The following SPOCK3 variants were observed in gnomAD, a reference collection of about 807,000 sequenced individuals.
SPOCK3 encodes the protein SPARC (osteonectin), cwcv and kazal like domains proteoglycan 3.
Under a neutral mutation model 56.6 loss-of-function variants are expected in SPOCK3, and 30 were observed. That is an observed-to-expected ratio of 0.53 (90% CI 0.40 to 0.72). The LOEUF (loss-of-function observed/expected upper bound fraction) is 0.72, where lower values mean the gene tolerates loss of function less well. Ranked by LOEUF, SPOCK3 falls within the 30% of genes least tolerant of loss-of-function variation. The probability of loss-of-function intolerance (pLI) is 0.00; values close to 1 mark genes in which losing one functional copy is unlikely to be tolerated. For missense variants in SPOCK3, 527 were observed against 530.0 expected (o/e 0.99, Z 0.06); for synonymous variants, 196 against 183.3 (o/e 1.07, Z -0.56).
intron 6 of SPOCK3, among the ~76,000 whole-genome samples, chr4:166,826,195 T>C (rs964330476): frequency 1.3e-5 from 2 of 152,110 alleles, no homozygotes; most frequent in African/African-American, 4.8e-5. Flanking sequence ...CAAAAAAAGA[T>C]ATATTTTTCT....
intron 2 of SPOCK3, among the ~76,000 whole-genome samples, chr4:167,185,405 C>T (rs1731856548): frequency 1.3e-5 from 2 of 152,186 alleles, no homozygotes; most frequent in Admixed American, 1.3e-4. Context: ...GTGCCTCATC[C>T]TGTGCCTACA....
chr4:167,076,489 A>C (rs982191252), intron 2 of SPOCK3, among the ~76,000 whole-genome samples: 1 of 151,822 alleles, frequency 6.6e-6, no homozygotes. Flanking sequence ...ATTATATTAA[A>C]AAATAAATCA....
intron 2 of SPOCK3, among the ~76,000 whole-genome samples, chr4:167,118,142 G>T (rs1451944205): frequency 2.0e-5 from 3 of 152,052 alleles, no homozygotes; most frequent in African/African-American, 7.2e-5. Flanking sequence ...TTGCCAGACT[G>T]TTTGAATTTT....
intron 6 of SPOCK3, among the ~76,000 whole-genome samples, chr4:166,852,452 C>T (rs1730225228): frequency 6.6e-6 from 1 of 152,142 alleles, no homozygotes; most frequent in African/African-American, 2.4e-5. Flanking sequence ...CACCATTAGG[C>T]TTTCTTCACT....
chr4:166,949,162 C>A (rs1399929321), intron 4 of SPOCK3, among the ~76,000 whole-genome samples: 1 of 152,208 alleles, frequency 6.6e-6, no homozygotes, highest in Non-Finnish European at 1.5e-5. Flanking sequence ...GCATTCTACA[C>A]GTAGTTCTCG....
At chr4:166,990,477 A>ATTT in intron 4 of SPOCK3, among the ~76,000 whole-genome samples, 1 of 152,144 alleles carries the variant, frequency 6.6e-6, no homozygotes, top group Non-Finnish European at 1.5e-5. Flanking sequence ...TAGGAATAGA[A>ATTT]AGATTATTCA....
chr4:167,182,203 A>G (rs1731528719), intron 2 of SPOCK3, among the ~76,000 whole-genome samples: 1 of 152,098 alleles, frequency 6.6e-6, no homozygotes, highest in African/African-American at 2.4e-5. Flanking sequence ...TCCCTTGGTT[A>G]TCAAGTTTTA....
At chr4:167,028,348 G>A (rs928046154) in intron 3 of SPOCK3, among the ~76,000 whole-genome samples, 1 of 151,716 alleles carries the variant, frequency 6.6e-6, no homozygotes, top group Non-Finnish European at 1.5e-5. Flanking sequence ...CTGCACTCCA[G>A]CCTGTGTGAC....
intron 5 of SPOCK3, among the ~76,000 whole-genome samples, chr4:166,907,942 G>T (rs1315681881): frequency 2.6e-5 from 4 of 151,902 alleles, no homozygotes; most frequent in Non-Finnish European, 5.9e-5. Context: ...TAGAAAGAGT[G>T]CACATCCATT....
At chr4:167,100,457 T>TCA (rs963770403) in intron 2 of SPOCK3, among the ~76,000 whole-genome samples, 4 of 149,414 alleles carry the variant, frequency 2.7e-5, no homozygotes, top group East Asian at 2.0e-4. Flanking sequence ...TCTCTCTCTC[T>TCA]CACACACACA....
At chr4:166,935,119 G>C (rs1024591624) in intron 4 of SPOCK3, among the ~76,000 whole-genome samples, 1 of 152,116 alleles carries the variant, frequency 6.6e-6, no homozygotes, top group Non-Finnish European at 1.5e-5. Flanking sequence ...TCAGACTTAC[G>C]GGGCTGTGGA....
intron 6 of SPOCK3, among the ~76,000 whole-genome samples, chr4:166,811,050 T>C (rs1298404816): frequency 6.6e-6 from 1 of 151,746 alleles, no homozygotes; most frequent in Non-Finnish European, 1.5e-5. Flanking sequence ...TTTAAAATTT[T>C]ATTATATTTT....
intron 2 of SPOCK3, among the ~76,000 whole-genome samples, chr4:167,108,452 C>T (rs1381715713): frequency 2.6e-5 from 4 of 151,876 alleles, no homozygotes; most frequent in Non-Finnish European, 5.9e-5. Flanking sequence ...GGTAAATATA[C>T]ACAATGGCAT....
At chr4:166,850,583 A>T (rs1480414805) in intron 6 of SPOCK3, among the ~76,000 whole-genome samples, 1 of 152,200 alleles carries the variant, frequency 6.6e-6, no homozygotes, top group Non-Finnish European at 1.5e-5. Flanking sequence ...GGAGTGCCAG[A>T]CAGCGGGGGC....
chr4:166,983,637 C>G (rs950216605), intron 4 of SPOCK3, among the ~76,000 whole-genome samples: 3 of 151,954 alleles, frequency 2.0e-5, no homozygotes. Flanking sequence ...TTTGAATGCT[C>G]TCAACACAAA....
chr4:167,004,479 T>C (rs1191409690), intron 3 of SPOCK3, among the ~76,000 whole-genome samples: 2 of 152,154 alleles, frequency 1.3e-5, no homozygotes, highest in African/African-American at 4.8e-5. Flanking sequence ...CAGAGTTTTA[T>C]CGTTTTGGTA....
At position 167,086,143 on chromosome 4, in the gene SPOCK3, T is replaced by A. The variant is rs72699633; in HGVS notation, c.190-23606A>T. On this transcript the variant is annotated intron_variant, in intron 2 of 10. Coordinates refer to ENST00000357545, the MANE Select transcript of SPOCK3 (RefSeq NM_001040159.2). ...ATGTCATAAAAATAAAATTATTTGA[T>A]AATAAAATAGCGAAATTTTACTTAG... 8.4e-3 allele frequency among the ~76,000 whole-genome samples: 1,271 copies of A among 152,202 alleles called. 5 individuals are homozygous for A. Among genetic ancestry groups the A allele is most frequent in the Non-Finnish European group, 0.012 (789 of 67,962 alleles).
intron 2 of SPOCK3, among the ~76,000 whole-genome samples, chr4:167,197,162 C>A (rs1733036775): frequency 6.6e-6 from 1 of 152,124 alleles, no homozygotes; most frequent in African/African-American, 2.4e-5. Flanking sequence ...CCTTGAATTT[C>A]TAGCCTTGGG....
chr4:166,847,658 T>TATATATATATATATATATATAC (rs1446634904), intron 6 of SPOCK3, among the ~76,000 whole-genome samples: 4 of 93,416 alleles, frequency 4.3e-5, no homozygotes, highest in Non-Finnish European at 7.8e-5. Context: ...TATATATATA[T>TATATATATATATATATATATAC]ATATATATAT....
Sources: gnomAD v4.1 joint callset for allele counts (sites outside exome capture counted in the v4.1 genomes callset) on GRCh38, gnomAD v4.1.1 for gene constraint, MANE v1.5 for transcripts, NCBI Gene and HGNC (gene_info 2026-07-23, HGNC 2026-07-21) for gene names.